CACNA1H: variants seen among roughly 807,000 people sequenced by gnomAD.
CACNA1H encodes the protein voltage-dependent T-type calcium channel subunit alpha-1H.
CACNA1H carries 149 observed loss-of-function variants against 192.5 expected under a neutral mutation model. The observed-to-expected ratio is 0.77, with a 90% CI of 0.68 to 0.89. The LOEUF is 0.89. CACNA1H is among the 40% of genes least tolerant of loss of function. The probability of loss-of-function intolerance (pLI) is 0.00; values close to 1 mark genes in which losing one functional copy is unlikely to be tolerated. For synonymous variants in CACNA1H, 2,202 were observed against 1,475.2 expected (o/e 1.49, Z -11.29); for missense variants, 4,257 against 3,423.5 (o/e 1.24, Z -6.08).
intron 16 of CACNA1H, among the ~76,000 whole-genome samples, chr16:1,208,770 TTGTC>T (rs992398985): frequency 1.3e-5 from 2 of 152,120 alleles, no homozygotes; most frequent in African/African-American, 2.4e-5. Flanking sequence ...CACCCACACT[TTGTC>T]TGGTCCTGGG....
rs1203449285 is a variant in CACNA1H at position 1,205,048 on chromosome 16, T to C, written c.2452-66T>C. ...GGGAGCCACGGGTGGGGGCCCCAGATCAGTGCCGGTGAGGGGTGGGAGCCG... is the reference window on the plus strand; with the variant it reads ...GGGAGCCACGGGTGGGGGCCCCAGACCAGTGCCGGTGAGGGGTGGGAGCCG... On this transcript the variant is annotated intron_variant, in intron 10 of 34. Transcript: ENST00000348261. The C allele has an allele frequency of 5.3e-6, 7 of 1,329,490 alleles. No homozygotes were observed. In the African/African-American group the frequency reaches 1.0e-4, roughly 19 times the overall value. 82.4% of individuals were successfully genotyped at this position (1,329,490 alleles called of 1,614,324 possible).
chr16:1,209,617 T>C (rs574731645), intron 17 of CACNA1H, among the ~76,000 whole-genome samples: 5 of 152,320 alleles, frequency 3.3e-5, no homozygotes, highest in Admixed American at 6.5e-5. Context: ...CTCTGCCGTC[T>C]AGGGGCTGTG....
chr16:1,200,503 G>A lies in CACNA1H; in HGVS notation c.1051G>A (p.Asp351Asn), dbSNP rs1310085909. Residue 351 changes from aspartate (D) to asparagine (N), a missense_variant, in exon 7 of 35, where the codon GAC becomes AAC. By Grantham distance (23) the Asp-to-Asn change is conservative (BLOSUM62 1). Coordinates refer to ENST00000348261, the MANE Select transcript of CACNA1H (RefSeq NM_021098.3). The stretch of plus-strand genomic sequence containing the variant: ...GTACTACAACGTGTGCCGCTCGGGT[G>A]ACTCCAACCCCCACAACGGTGCCAT... ...NQYYNVCRSG[D>N]SNPHNGAINF... The A allele has an allele frequency of 1.2e-6, 2 of 1,612,300 alleles. No homozygotes were observed. The highest frequency in any genetic ancestry group is 8.5e-7 in the Non-Finnish European group (1 of 1,179,724).
Position 1,220,868 on chromosome 16 carries a change from G to C in CACNA1H, c.6936G>C (p.Met2312Ile). ...PLEPPESEPP[M>I]PVGDPPEKRR... ...AACCCCCAGAATCAGAGCCTCCCAT[G>C]CCCGTCGGTGACCCCCCAGAGAAGA... The change falls in exon 35 of 35, where the codon ATG becomes ATC. Residue 2312 changes from methionine to isoleucine, a missense_variant. By Grantham distance (10) the Met-to-Ile change is conservative. Transcript: ENST00000348261. 1.2e-6 allele frequency: 2 copies of C among 1,612,722 alleles called. No homozygotes were observed. The highest frequency in any genetic ancestry group is 1.7e-6 in the Non-Finnish European group (2 of 1,179,810).
At chr16:1,154,967 C>G (rs1177124036) in intron 2 of CACNA1H, among the ~76,000 whole-genome samples, 1 of 152,168 alleles carries the variant, frequency 6.6e-6, no homozygotes, top group Non-Finnish European at 1.5e-5. Flanking sequence ...GTGGCCAGGC[C>G]GTGGCTTCTG....
intron 2 of CACNA1H, among the ~76,000 whole-genome samples, chr16:1,169,307 G>T (rs565717796): frequency 6.6e-6 from 1 of 152,302 alleles, no homozygotes; most frequent in South Asian, 2.1e-4. Flanking sequence ...ACAGCACTTG[G>T]TGAAGGGCTG....
rs750488691 is a variant in CACNA1H at position 1,221,008 on chromosome 16, G to A, written c.*14G>A. ...GACCCCGTGTAGCTCGGGGCTTGGT[G>A]CCGCCCACGGCTTTGGCCCTGGGGT... On this transcript the variant is annotated 3_prime_UTR_variant, in exon 35 of 35. Coordinates refer to ENST00000348261, the MANE Select transcript of CACNA1H (RefSeq NM_021098.3). The A allele has an allele frequency of 1.9e-6, 3 of 1,541,848 alleles. No individual in the cohort carries two copies. The Admixed American group carries it at 6.2e-5, about 32-fold the overall frequency.
At chr16:1,177,966 C>A (rs1011892184) in intron 2 of CACNA1H, among the ~76,000 whole-genome samples, 1 of 151,588 alleles carries the variant, frequency 6.6e-6, no homozygotes, top group African/African-American at 2.4e-5. Context: ...GCCCTTTCTC[C>A]CTGGGACCCC....
chr16:1,195,315 CA>C (rs1966866946), intron 3 of CACNA1H, 116 bp from the exon 4 acceptor site: 2 of 1,008,338 alleles, frequency 2.0e-6, no homozygotes, highest in Non-Finnish European at 2.5e-6. Flanking sequence ...CAGGGCGGGG[CA>C]GGGGCGGGGC....
At chr16:1,186,964 C>T (rs1966131927) in intron 2 of CACNA1H, among the ~76,000 whole-genome samples, 1 of 152,274 alleles carries the variant, frequency 6.6e-6, no homozygotes, top group East Asian at 1.9e-4. Context: ...CCTGTACCAC[C>T]CACTGACTCC....
intron 3 of CACNA1H, 80 bp from the exon 4 acceptor site, chr16:1,195,352 G>C: frequency 6.5e-7 from 1 of 1,526,904 alleles, no homozygotes; most frequent in South Asian, 1.2e-5. Context: ...ACTGGGGGCC[G>C]GGCTCTTGCG....
At chr16:1,194,828 G>A (rs904910597) in intron 2 of CACNA1H, 144 bp from the exon 3 acceptor site, 2 of 634,882 alleles carry the variant, frequency 3.2e-6, no homozygotes, top group South Asian at 3.5e-5. Flanking sequence ...GGCGGCCGTC[G>A]GTCCCGAGTC....
At chr16:1,164,782 C>G (rs1963588130) in intron 2 of CACNA1H, among the ~76,000 whole-genome samples, 1 of 152,200 alleles carries the variant, frequency 6.6e-6, no homozygotes, top group South Asian at 2.1e-4. Context: ...TGGTGCTGCC[C>G]TCACTGGCCG....
At chr16:1,197,716 C>T (rs1967156640) in intron 5 of CACNA1H, among the ~76,000 whole-genome samples, 2 of 152,298 alleles carry the variant, frequency 1.3e-5, no homozygotes, top group Non-Finnish European at 1.5e-5. Context: ...TCTGACTCAC[C>T]CTTGTGACCT....
chr16:1,169,854 G>A (rs992539869), intron 2 of CACNA1H, among the ~76,000 whole-genome samples: 4 of 152,392 alleles, frequency 2.6e-5, no homozygotes, highest in African/African-American at 7.2e-5. Flanking sequence ...CCGTGAGGCC[G>A]GACATGGGCG....
At chr16:1,206,310 G>A (rs372815707) in intron 12 of CACNA1H, 21 bp downstream of exon 12, 37 of 1,536,896 alleles carry the variant, frequency 2.4e-5, no homozygotes, top group African/African-American at 1.2e-4. Context: ...CCCCCCTCCC[G>A]GCCCGCCCAG....
intron 2 of CACNA1H, among the ~76,000 whole-genome samples, chr16:1,164,137 C>T (rs1035897052): frequency 3.9e-5 from 6 of 152,162 alleles, no homozygotes; most frequent in African/African-American, 1.2e-4. Flanking sequence ...GGGCCCTGGG[C>T]CTGAGTCCCT....
chr16:1,195,207 A>C, intron 3 of CACNA1H, 124 bp downstream of exon 3: 1 of 752,104 alleles, frequency 1.3e-6, no homozygotes. Flanking sequence ...AGGGTCGGGG[A>C]TCAGGGCGAG....
chr16:1,198,819 G>A, intron 6 of CACNA1H, 45 bp downstream of exon 6: 1 of 1,562,450 alleles, frequency 6.4e-7, no homozygotes, highest in African/African-American at 1.4e-5. Context: ...AGATGGCCCT[G>A]CCCACCATGC....
Sources: gnomAD v4.1 joint callset for allele counts (sites outside exome capture counted in the v4.1 genomes callset) on GRCh38, gnomAD v4.1.1 for gene constraint, MANE v1.5 for transcripts, NCBI Gene and HGNC (gene_info 2026-07-23, HGNC 2026-07-21) for gene names.